Variants in ABCA4 observed in about 807,000 individuals in gnomAD.
ABCA4 encodes the protein ATP binding cassette subfamily A member 4.
A neutral mutation model predicts 263.7 loss-of-function variants in ABCA4; 196 were observed. That is an observed-to-expected ratio of 0.74 (90% CI 0.66 to 0.84). ABCA4 has a LOEUF of 0.84. Ranked by LOEUF, ABCA4 falls within the 40% of genes least tolerant of loss-of-function variation. The probability of loss-of-function intolerance (pLI) is 0.00; values close to 1 mark genes in which losing one functional copy is unlikely to be tolerated. For synonymous variants in ABCA4, 1,133 were observed against 1,094.2 expected, an observed-to-expected ratio of 1.04 and a Z score of -0.70; for missense variants, 2,792 against 2,855.1, an observed-to-expected ratio of 0.98 and a Z score of 0.50.
At chr1:94,032,099 T>C in intron 26 of ABCA4, 56 bp from the exon 27 acceptor site, 2 of 1,595,606 alleles carry the variant, frequency 1.3e-6, no homozygotes. Context: ...TCTGGATCTC[T>C]AATGCCATTT....
intron 20 of ABCA4, among the ~76,000 whole-genome samples, chr1:94,044,210 A>G (rs1660606911): frequency 6.6e-6 from 1 of 152,098 alleles, no homozygotes; most frequent in South Asian, 2.1e-4. Context: ...TTATTGGGGA[A>G]AAAAAGTAAC....
At chr1:94,037,724 G>A (rs776213867) in intron 24 of ABCA4, among the ~76,000 whole-genome samples, 4 of 152,184 alleles carry the variant, frequency 2.6e-5, no homozygotes, top group Non-Finnish European at 5.9e-5. Context: ...CCTCATCTGT[G>A]AAAAGGGGAA....
At chr1:94,001,326 G>T (rs1659176026) in intron 45 of ABCA4, among the ~76,000 whole-genome samples, 1 of 152,220 alleles carries the variant, frequency 6.6e-6, no homozygotes, top group South Asian at 2.1e-4. Flanking sequence ...GCCCATTTCA[G>T]CCCACGAGGG....
intron 11 of ABCA4, 151 bp downstream of exon 11, chr1:94,077,539 T>G: frequency 5.7e-6 from 4 of 696,768 alleles, no homozygotes; most frequent in East Asian, 2.8e-5. Context: ...TGTTAGAGAA[T>G]GAGAACTGTA....
At chr1:94,001,750 A>G in intron 45 of ABCA4, 108 bp downstream of exon 45, 1 of 1,530,624 alleles carries the variant, frequency 6.5e-7, no homozygotes, top group Non-Finnish European at 9.0e-7. Flanking sequence ...TCCAGACTAA[A>G]GCCAAACTGC....
intron 16 of ABCA4, among the ~76,000 whole-genome samples, chr1:94,054,140 G>T (rs150658969): frequency 9.9e-4 from 151 of 152,300 alleles, no homozygotes; most frequent in African/African-American, 3.4e-3. Flanking sequence ...ATACACGACC[G>T]TGCAAACAGC....
chr1:93,996,869 C>G (rs1462954450), intron 48 of ABCA4, among the ~76,000 whole-genome samples: 1 of 152,148 alleles, frequency 6.6e-6, no homozygotes, highest in Non-Finnish European at 1.5e-5. Flanking sequence ...TATGCTAAGT[C>G]CTCGCATAAT....
intron 23 of ABCA4, 132 bp downstream of exon 23, chr1:94,041,077 C>T: frequency 1.0e-6 from 1 of 954,794 alleles, no homozygotes; most frequent in Admixed American, 2.0e-5. Context: ...AAATCTTCTG[C>T]AAATGGTCCC....
At chr1:94,069,772 G>A (rs1438552327) in intron 11 of ABCA4, among the ~76,000 whole-genome samples, 2 of 152,204 alleles carry the variant, frequency 1.3e-5, no homozygotes, top group South Asian at 2.1e-4. Context: ...CGAAGGCACT[G>A]CAATAAATTT....
At chr1:94,066,429 G>C (rs1237861617) in intron 11 of ABCA4, among the ~76,000 whole-genome samples, 1 of 152,232 alleles carries the variant, frequency 6.6e-6, no homozygotes, top group African/African-American at 2.4e-5. Flanking sequence ...TTGGCAATTA[G>C]AGTGAATCTG....
At chr1:94,063,954 A>T (rs536889122) in intron 11 of ABCA4, among the ~76,000 whole-genome samples, 6 of 152,060 alleles carry the variant, frequency 3.9e-5, no homozygotes, top group African/African-American at 1.4e-4. Flanking sequence ...AAAAACCATT[A>T]CCCACAAAAG....
chr1:94,021,516 G>A (rs1250878673), intron 34 of ABCA4, 107 bp from the exon 35 acceptor site: 1 of 1,529,156 alleles, frequency 6.5e-7, no homozygotes, highest in African/African-American at 1.4e-5. Flanking sequence ...GTAGCTGGAA[G>A]ACATTCCTTG....
intron 4 of ABCA4, among the ~76,000 whole-genome samples, chr1:94,107,830 C>T (rs544828967): frequency 3.3e-5 from 5 of 152,196 alleles, no homozygotes; most frequent in African/African-American, 7.2e-5. Context: ...AGCCATTAAC[C>T]TTTTCATCTT....
chr1:94,076,043 C>A (rs965769627), intron 11 of ABCA4, among the ~76,000 whole-genome samples: 1 of 152,190 alleles, frequency 6.6e-6, no homozygotes, highest in African/African-American at 2.4e-5. Context: ...AGAAGCTCAG[C>A]AGATGAGGAA....
intron 26 of ABCA4, among the ~76,000 whole-genome samples, chr1:94,035,165 G>A (rs537734595): frequency 2.0e-5 from 3 of 152,306 alleles, no homozygotes; most frequent in Non-Finnish European, 4.4e-5. Context: ...TTATTCTCCT[G>A]AGAGGGCCTA....
intron 30 of ABCA4, 81 bp from the exon 31 acceptor site, chr1:94,025,129 CA>C: frequency 8.7e-7 from 1 of 1,155,712 alleles, no homozygotes; most frequent in Non-Finnish European, 1.3e-6. Flanking sequence ...TGTTGTCTTC[CA>C]AAAATTATTT....
chr1:94,045,372 T>C (rs1660645325), intron 19 of ABCA4, among the ~76,000 whole-genome samples: 2 of 152,132 alleles, frequency 1.3e-5, no homozygotes, highest in Middle Eastern at 3.4e-3. Context: ...CCTTAGGTTG[T>C]TGTAAGGCTT....
At chr1:94,087,639 C>G (rs1661866960) in intron 6 of ABCA4, among the ~76,000 whole-genome samples, 1 of 152,166 alleles carries the variant, frequency 6.6e-6, no homozygotes, top group South Asian at 2.1e-4. Flanking sequence ...CACAGGGCAG[C>G]CTGGGGGTCT....
At chr1:94,005,177 C>T (rs1215830228) in intron 44 of ABCA4, among the ~76,000 whole-genome samples, 1 of 152,168 alleles carries the variant, frequency 6.6e-6, no homozygotes, top group African/African-American at 2.4e-5. Context: ...AACTCTTAGA[C>T]GTGTGATTGC....
Sources: gnomAD v4.1 joint callset for allele counts (sites outside exome capture counted in the v4.1 genomes callset) on GRCh38, gnomAD v4.1.1 for gene constraint, MANE v1.5 for transcripts, NCBI Gene and HGNC (gene_info 2026-07-23, HGNC 2026-07-21) for gene names.